ALG8: variants seen among roughly 807,000 people sequenced by gnomAD.
ALG8 encodes dolichyl pyrophosphate Glc1Man9GlcNAc2 alpha-1,3-glucosyltransferase.
In ALG8, 48 loss-of-function variants were observed where a neutral mutation model predicts 70.2. The observed-to-expected ratio is 0.68, with a 90% confidence interval of 0.54 to 0.87. The LOEUF (loss-of-function observed/expected upper bound fraction) is 0.87, where lower values mean the gene tolerates loss of function less well. Among genes scored for constraint, ALG8 ranks in the 40% least tolerant of loss-of-function variants. The pLI is 0.00. For synonymous variants in ALG8, 234 were observed against 229.0 expected, an observed-to-expected ratio of 1.02 and a Z score of -0.20; for missense variants, 572 against 608.7, an observed-to-expected ratio of 0.94 and a Z score of 0.64.
At chr11:78,135,873 A>G (rs1288783917) in intron 1 of ALG8, among the ~76,000 whole-genome samples, 1 of 149,932 alleles carries the variant, frequency 6.7e-6, no homozygotes. Context: ...AGAAAAAAAA[A>G]AAAGAAAAAT....
At chr11:78,125,687 G>A (rs920342052) in intron 2 of ALG8, among the ~76,000 whole-genome samples, 1 of 151,872 alleles carries the variant, frequency 6.6e-6, no homozygotes, top group African/African-American at 2.4e-5. Flanking sequence ...TAAGGCAGGA[G>A]AATCGCTTAC....
intron 2 of ALG8, among the ~76,000 whole-genome samples, chr11:78,125,691 C>T (rs930347349): frequency 6.1e-5 from 9 of 148,636 alleles, no homozygotes; most frequent in South Asian, 2.1e-4. Flanking sequence ...GCAGGAGAAT[C>T]GCTTACTCAG....
chr11:78,135,354 C>CA (rs76433691), intron 1 of ALG8: 1,514 of 130,802 alleles, frequency 0.012, 10 homozygotes, highest in Non-Finnish European at 0.018. Flanking sequence ...GACCCTGTTT[C>CA]AAAAAAAAAA....
intron 2 of ALG8, among the ~76,000 whole-genome samples, chr11:78,125,976 G>A (rs1276272123): frequency 1.3e-5 from 2 of 151,570 alleles, no homozygotes; most frequent in South Asian, 2.1e-4. Flanking sequence ...TGGCTAATAT[G>A]GTGAAACCCC....
rs574403911 is a variant in ALG8 at position 78,134,325 on chromosome 11, A to G, written c.95+5169T>C. Among the ~76,000 whole-genome samples, 10 of 152,266 alleles carry G rather than the reference A, an allele frequency of 6.6e-5. No homozygotes were observed. The East Asian group carries it at 1.9e-3, about 29-fold the overall frequency. The stretch of plus-strand genomic sequence containing the variant: ...GCTAATTTTTGTATATTTAGTAGAG[A>G]CGGGGTTTCCCCATGTTGGCCAGGC... On this transcript the variant is annotated intron_variant, in intron 1 of 12. Transcript: ENST00000299626.
intron 1 of ALG8, among the ~76,000 whole-genome samples, chr11:78,132,517 A>G (rs1036099023): frequency 6.6e-6 from 1 of 152,186 alleles, no homozygotes; most frequent in African/African-American, 2.4e-5. Flanking sequence ...AAGCTCCGGC[A>G]TGATTTGGTG....
chr11:78,104,159 C>G, intron 11 of ALG8, 107 bp from the exon 12 acceptor site: 1 of 911,284 alleles, frequency 1.1e-6, no homozygotes, highest in Non-Finnish European at 1.7e-6. Flanking sequence ...GCTAATAATA[C>G]TTTTTAAGTT....
intron 1 of ALG8, among the ~76,000 whole-genome samples, chr11:78,130,323 T>A (rs1224845546): frequency 9.9e-6 from 1 of 101,056 alleles, no homozygotes; most frequent in African/African-American, 4.3e-5. Context: ...CACTCCAGCA[T>A]GGGAGACAGA....
intron 1 of ALG8, among the ~76,000 whole-genome samples, chr11:78,129,011 A>T (rs75490036): frequency 0.22 from 33,023 of 151,930 alleles, 4,406 homozygotes; most frequent in African/African-American, 0.38. Context: ...AATTTCCTAC[A>T]GATATTTCAA....
intron 1 of ALG8, 125 bp downstream of exon 1, chr11:78,139,369 G>A (rs886817645): frequency 4.1e-6 from 4 of 965,248 alleles, no homozygotes; most frequent in Non-Finnish European, 6.5e-6. Context: ...CTTAGCAAAG[G>A]CAGGATAGCG....
At chr11:78,125,802 G>C (rs1013207586) in intron 2 of ALG8, among the ~76,000 whole-genome samples, 5 of 151,636 alleles carry the variant, frequency 3.3e-5, no homozygotes, top group Non-Finnish European at 7.4e-5. Context: ...GTGAGACTTC[G>C]TCTCAAAAGA....
At chr11:78,122,381 C>T (rs949332669) in intron 3 of ALG8, among the ~76,000 whole-genome samples, 1 of 146,212 alleles carries the variant, frequency 6.8e-6, no homozygotes, top group African/African-American at 2.6e-5. Context: ...CTCAGTCTGT[C>T]GCCTAGGATG....
chr11:78,112,514 C>T lies in ALG8; in HGVS notation c.898+136G>A, dbSNP rs1590813899. 104 of 1,346,282 alleles carry T rather than the reference C, an allele frequency of 7.7e-5. No homozygotes were observed. The South Asian group carries it at 1.2e-3, about 15-fold the overall frequency. 83.4% of individuals were successfully genotyped at this position (1,346,282 alleles called of 1,614,324 possible). On this transcript the variant is annotated intron_variant, in intron 8 of 12. Transcript: ENST00000299626. ...AGTCCCAAGAACTGCTCCCCCTGTT[C>T]ATCCTGAAAGCTGAAATGCAGGACT... is the stretch of plus-strand genomic sequence containing the variant.
chr11:78,112,989 C>G (rs1354620457), intron 7 of ALG8, among the ~76,000 whole-genome samples: 1 of 152,182 alleles, frequency 6.6e-6, no homozygotes, highest in Non-Finnish European at 1.5e-5. Flanking sequence ...TAAAAATACT[C>G]TGAATACCCG....
intron 8 of ALG8, among the ~76,000 whole-genome samples, chr11:78,109,797 G>A (rs1419395311): frequency 1.3e-5 from 2 of 152,134 alleles, no homozygotes; most frequent in African/African-American, 4.8e-5. Context: ...ATTGGAACAG[G>A]GAATTTGTGC....
intron 10 of ALG8, among the ~76,000 whole-genome samples, chr11:78,106,189 C>A (rs1293593275): frequency 2.0e-5 from 3 of 151,814 alleles, no homozygotes; most frequent in South Asian, 4.2e-4. Context: ...GACACCAAAG[C>A]CCAAGTTTTT....
chr11:78,110,332 C>T (rs1297100623), intron 8 of ALG8, among the ~76,000 whole-genome samples: 1 of 152,190 alleles, frequency 6.6e-6, no homozygotes, highest in Non-Finnish European at 1.5e-5. Flanking sequence ...ACTGGGATTA[C>T]AGGCATGTGC....
At chr11:78,107,252 G>A (rs950624194) in intron 9 of ALG8, among the ~76,000 whole-genome samples, 3 of 144,348 alleles carry the variant, frequency 2.1e-5, no homozygotes, top group Admixed American at 7.0e-5. Flanking sequence ...ACGGAGTCTC[G>A]CTTTGTTGCC....
chr11:78,121,805 T>C (rs1382968947), intron 3 of ALG8, among the ~76,000 whole-genome samples: 4 of 152,144 alleles, frequency 2.6e-5, no homozygotes, highest in African/African-American at 9.7e-5. Context: ...CCAGCCAAAT[T>C]AAGAACAGAA....
Sources: allele counts gnomAD v4.1 joint callset (sites outside exome capture counted in the v4.1 genomes callset), GRCh38; gene constraint gnomAD v4.1.1; transcripts MANE v1.5; gene names NCBI Gene and HGNC (gene_info 2026-07-23, HGNC 2026-07-21).